Variants in GALNT13 observed in about 807,000 individuals in gnomAD.
GALNT13 encodes UDP-GalNAc:polypeptide N-acetylgalactosaminyltransferase 13.
A neutral mutation model predicts 64.2 loss-of-function variants in GALNT13; 28 were observed. The observed-to-expected ratio is 0.44, with a 90% CI of 0.32 to 0.60. GALNT13 has a LOEUF of 0.60. Ranked by LOEUF, GALNT13 falls within the 20% of genes least tolerant of loss-of-function variation. The pLI, the probability that GALNT13 is intolerant of heterozygous loss-of-function variation, is 0.05. For synonymous variants in GALNT13, 214 were observed against 224.6 expected, an observed-to-expected ratio of 0.95 and a Z score of 0.42; for missense variants, 577 against 669.8, an observed-to-expected ratio of 0.86 and a Z score of 1.53.
the GALNT13 span, among the ~76,000 whole-genome samples, chr2:153,497,940 A>T: frequency 7.9e-5 from 12 of 152,224 alleles, no homozygotes; most frequent in Admixed American, 5.2e-4. Flanking sequence ...AAAAATGAGA[A>T]TGTTGCTTTG....
chr2:154,298,663 A>T (rs1424009904), intron 8 of GALNT13, among the ~76,000 whole-genome samples: 1 of 107,420 alleles, frequency 9.3e-6, no homozygotes, highest in African/African-American at 3.7e-5. Context: ...TATACAATTT[A>T]TATATACATT....
At chr2:153,534,048 C>T in the GALNT13 span, among the ~76,000 whole-genome samples, 57 of 152,006 alleles carry the variant, frequency 3.7e-4, no homozygotes, top group African/African-American at 1.4e-3. Context: ...ATAGAATTTC[C>T]ATCTCTATTC....
rs1365551847 is a variant in GALNT13 at position 154,189,148 on chromosome 2, G to A, written c.311+48643G>A. On this transcript the variant is annotated intron_variant, in intron 4 of 12. Coordinates refer to ENST00000392825, the MANE Select transcript of GALNT13 (RefSeq NM_052917.4). ...CTGACCATTCAGACTAGTGTATAGA[G>A]ATGGAATGGAGATGCTTTTAATGTT... 2.0e-5 allele frequency among the ~76,000 whole-genome samples: 3 copies of A among 152,172 alleles called. No individual in the cohort carries two copies. In the South Asian group the frequency reaches 6.2e-4, roughly 32 times the overall value.
the GALNT13 span, among the ~76,000 whole-genome samples, chr2:153,229,128 C>T: frequency 1.3e-5 from 2 of 152,160 alleles, no homozygotes; most frequent in South Asian, 2.1e-4. Flanking sequence ...GTGGGGCATA[C>T]ACTAGCAAAC....
At chr2:153,201,085 G>A in the GALNT13 span, among the ~76,000 whole-genome samples, 1 of 152,102 alleles carries the variant, frequency 6.6e-6, no homozygotes, top group African/African-American at 2.4e-5. Flanking sequence ...GAAATTCCCC[G>A]GTTTCTCTGA....
chr2:154,296,920 G>C (rs949731680), intron 8 of GALNT13, among the ~76,000 whole-genome samples: 2 of 152,172 alleles, frequency 1.3e-5, no homozygotes, highest in African/African-American at 4.8e-5. Context: ...TGATGTTTCA[G>C]CTGAGATGAC....
At chr2:153,253,692 T>A in the GALNT13 span, among the ~76,000 whole-genome samples, 1 of 151,228 alleles carries the variant, frequency 6.6e-6, no homozygotes, top group Non-Finnish European at 1.5e-5. Context: ...TTGTTGAATT[T>A]TGTCAAAGGC....
intron 8 of GALNT13, among the ~76,000 whole-genome samples, chr2:154,272,966 A>G (rs1400225594): frequency 6.6e-6 from 1 of 152,154 alleles, no homozygotes; most frequent in Non-Finnish European, 1.5e-5. Flanking sequence ...ACTGCCATTA[A>G]ATTCAAATGA....
chr2:153,245,540 A>C, the GALNT13 span, among the ~76,000 whole-genome samples: 1 of 152,216 alleles, frequency 6.6e-6, no homozygotes, highest in Non-Finnish European at 1.5e-5. Flanking sequence ...GACCTGAAGA[A>C]AAGGGGCCTG....
At chr2:154,005,819 C>T (rs1044710596) in intron 3 of GALNT13, among the ~76,000 whole-genome samples, 2 of 151,932 alleles carry the variant, frequency 1.3e-5, no homozygotes, top group African/African-American at 2.4e-5. Context: ...AGAGATGGTT[C>T]GACACAGATT....
At chr2:153,107,698 T>C in the GALNT13 span, among the ~76,000 whole-genome samples, 1 of 152,200 alleles carries the variant, frequency 6.6e-6, no homozygotes, top group Non-Finnish European at 1.5e-5. Context: ...GCAGATTTAC[T>C]GTCATAACTT....
chr2:153,298,978 T>C, the GALNT13 span, among the ~76,000 whole-genome samples: 1 of 152,196 alleles, frequency 6.6e-6, no homozygotes, highest in Non-Finnish European at 1.5e-5. Context: ...AGGTTGTCCA[T>C]TTTACTCTCA....
At chr2:153,118,937 C>T in the GALNT13 span, among the ~76,000 whole-genome samples, 1 of 152,096 alleles carries the variant, frequency 6.6e-6, no homozygotes, top group Admixed American at 6.5e-5. Context: ...TGGGAGGAAC[C>T]TGGTGGGAGG....
chr2:153,556,033 A>G, the GALNT13 span, among the ~76,000 whole-genome samples: 1 of 152,310 alleles, frequency 6.6e-6, no homozygotes, highest in African/African-American at 2.4e-5. Flanking sequence ...TCTCATCCTA[A>G]TATCTCTTTC....
chr2:153,211,406 G>A, the GALNT13 span, among the ~76,000 whole-genome samples: 1 of 152,154 alleles, frequency 6.6e-6, no homozygotes, highest in Non-Finnish European at 1.5e-5. Flanking sequence ...GCTTCCCAAA[G>A]TGCTAGGATT....
At chr2:153,140,116 G>A in the GALNT13 span, among the ~76,000 whole-genome samples, 2 of 151,942 alleles carry the variant, frequency 1.3e-5, no homozygotes, top group African/African-American at 2.4e-5. Flanking sequence ...GATTTGTTAC[G>A]CCAGATTTGA....
intron 8 of GALNT13, among the ~76,000 whole-genome samples, chr2:154,262,857 G>C (rs1690773214): frequency 6.6e-6 from 1 of 152,072 alleles, no homozygotes; most frequent in South Asian, 2.1e-4. Context: ...CTGAGAAATT[G>C]ATACCCAAAT....
At chr2:153,116,386 G>T in the GALNT13 span, among the ~76,000 whole-genome samples, 2 of 151,980 alleles carry the variant, frequency 1.3e-5, no homozygotes, top group Admixed American at 6.6e-5. Context: ...GAACTGACTA[G>T]AACACTGAAT....
At chr2:154,360,713 T>A (rs1157224939) in intron 9 of GALNT13, among the ~76,000 whole-genome samples, 1 of 152,102 alleles carries the variant, frequency 6.6e-6, no homozygotes, top group Non-Finnish European at 1.5e-5. Flanking sequence ...AGCACGTATG[T>A]TGTACCAAGT....
Sources: gnomAD v4.1 joint callset for allele counts (sites outside exome capture counted in the v4.1 genomes callset) on GRCh38, gnomAD v4.1.1 for gene constraint, MANE v1.5 for transcripts, NCBI Gene and HGNC (gene_info 2026-07-23, HGNC 2026-07-21) for gene names.